The following TNK2 variants were observed in gnomAD, a reference collection of about 807,000 sequenced individuals.
The protein encoded by TNK2 is activated CDC42 kinase 1.
In TNK2, 83 loss-of-function variants were observed where a neutral mutation model predicts 101.8. The observed-to-expected ratio is 0.82, with a 90% CI of 0.68 to 0.98. The LOEUF (loss-of-function observed/expected upper bound fraction) is 0.98. Ranked by LOEUF, TNK2 falls within the 50% of genes least tolerant of loss-of-function variation. The pLI is 0.00. For missense variants in TNK2, 1,665 were observed against 1,483.2 expected (o/e 1.12, Z -2.01); for synonymous variants, 804 against 633.0 (o/e 1.27, Z -4.06).
At position 195,888,179 on chromosome 3, in the gene TNK2, A is replaced by G. The variant is rs1182205337; in HGVS notation, c.163+247T>C. ...AGGACATACACTCTACGTGAGAACA[A>G]TCACAACGGGGCATGGAGTGACTCC... On this transcript the variant is annotated intron_variant, in intron 2 of 15. Transcript: ENST00000672887. This position sits in a 1 kb window ranked among gnomAD's most constrained non-coding sequence, Gnocchi z 5.3. Among the ~76,000 whole-genome samples, 2 of 152,154 alleles carry G rather than the reference A, an allele frequency of 1.3e-5. No individual in the cohort carries two copies. Among genetic ancestry groups the G allele is most frequent in the Non-Finnish European group, 2.9e-5 (2 of 68,014 alleles).
intron 9 of TNK2, among the ~76,000 whole-genome samples, chr3:195,876,081 G>A (rs1749070720): frequency 6.6e-6 from 1 of 152,202 alleles, no homozygotes; most frequent in African/African-American, 2.4e-5. Context: ...AGGCTCCAGG[G>A]CCAGACCAGG....
Position 195,878,684 on chromosome 3 carries a change from G to A in TNK2, c.1015-92C>T. 2 of 1,512,146 alleles carry A rather than the reference G, an allele frequency of 1.3e-6. No homozygotes were observed. Among genetic ancestry groups the A allele is most frequent in the Non-Finnish European group, 8.9e-7 (1 of 1,127,006 alleles). 93.7% of individuals were successfully genotyped at this position (1,512,146 alleles called of 1,614,324 possible). ...CTCCAGCCCATCCACAGCTGCAGCG[G>A]CTGCTGCCATGCCTGGCCTCCAAAG... On this transcript the variant is annotated intron_variant, in intron 7 of 15. Coordinates refer to ENST00000672887, the MANE Select transcript of TNK2 (RefSeq NM_001382273.1). This position sits in a 1 kb window ranked among gnomAD's most constrained non-coding sequence, Gnocchi z 4.7.
In TNK2 at chr3:195,868,308, A is replaced by C. The variant is rs778891910; in HGVS notation, c.1990T>G (p.Ser664Ala). 4.4e-6 allele frequency: 7 copies of C among 1,602,958 alleles called. No homozygotes were observed. The African/African-American group carries it at 9.4e-5, about 21-fold the overall frequency. The change falls in exon 13 of 16, where the codon TCC (serine) becomes GCC (alanine). Residue 664 changes from serine to alanine, a missense_variant. By Grantham distance (99) the Ser-to-Ala change is moderately conservative. Transcript: ENST00000672887. ...AQDEDDFEIC[S>A]INSTLVGAGV... ...GCGCCCACGAGGGTGCTGTTGATGG[A>C]GCAGATCTCAAAGTCATCCTCATCC...
At position 195,886,865 on chromosome 3, in the gene TNK2, G is replaced by A. The variant is rs1577082274; in HGVS notation, c.234+112C>T. On this transcript the variant is annotated intron_variant, in intron 3 of 15. Transcript: ENST00000672887. This position sits in a 1 kb window ranked among gnomAD's most constrained non-coding sequence, Gnocchi z 4.2. ...GGGGGTCCTGTACAAAGTGCCGGCA[G>A]AACGGCGAGATTCGACCTGCCGGGG... 2 of 1,204,188 alleles carry A rather than the reference G, an allele frequency of 1.7e-6. No individual in the cohort carries two copies. Among genetic ancestry groups the A allele is most frequent in the East Asian group, 4.7e-5 (2 of 42,972 alleles). 74.6% of individuals were successfully genotyped at this position (1,204,188 alleles called of 1,614,324 possible). A position where few individuals can be genotyped will look rare whatever the true frequency, so the allele number is the denominator to read the frequency against.
chr3:195,892,368 G>C, intron 1 of TNK2: 14 of 1,496,690 alleles, frequency 9.4e-6, no homozygotes, highest in Non-Finnish European at 1.2e-5. Flanking sequence ...GTGCTGAGGA[G>C]CCCAACCAGT....
intron 6 of TNK2, among the ~76,000 whole-genome samples, chr3:195,879,911 T>C (rs936124296): frequency 6.1e-4 from 93 of 152,244 alleles, no homozygotes; most frequent in African/African-American, 2.2e-3. Context: ...ATTCATACCT[T>C]ACCATGCAAA....
intron 10 of TNK2, 130 bp from the exon 11 acceptor site, chr3:195,870,335 C>T: frequency 2.0e-6 from 3 of 1,527,234 alleles, no homozygotes; most frequent in Non-Finnish European, 2.6e-6. Flanking sequence ...CCTCCCGCCT[C>T]CCAGTCCACA....
chr3:195,889,868 C>A (rs186209346), intron 1 of TNK2, among the ~76,000 whole-genome samples: 2 of 152,160 alleles, frequency 1.3e-5, no homozygotes, highest in African/African-American at 2.4e-5. Context: ...GAGGAACAGG[C>A]GAGAGAAAAA....
Position 195,870,203 on chromosome 3 carries a change from A to C in TNK2, c.1454T>G (p.Leu485Arg). The C allele has an allele frequency of 6.3e-7, 1 of 1,582,650 alleles. No homozygotes were observed. Among genetic ancestry groups the C allele is most frequent in the Non-Finnish European group, 8.6e-7 (1 of 1,162,330 alleles). The change falls in exon 11 of 16, where the codon CTG (leucine) becomes CGG (arginine). Residue 485 changes from leucine to arginine, a missense_variant and splice_region_variant. Physicochemically the swap from Leu to Arg is moderately radical, Grantham distance 102. Transcript: ENST00000672887. The stretch of plus-strand genomic sequence containing the variant: ...GGGGTCCATGGGGTTTCCCAGATAC[A>C]GTCTGTGGGGGAGAGAGCTGGGTCA... Reference protein sequence around the residue: ...CWGFPDRIDELYLGNPMDPPD... With the variant: ...CWGFPDRIDERYLGNPMDPPD...
chr3:195,869,054 C>G, intron 12 of TNK2: 2 of 467,004 alleles, frequency 4.3e-6, no homozygotes, highest in Non-Finnish European at 7.6e-6. Context: ...TTAGTGAGCC[C>G]TCATCCCCGC....
At chr3:195,891,849 C>T in intron 1 of TNK2, 8 of 935,772 alleles carry the variant, frequency 8.5e-6, no homozygotes, top group South Asian at 4.9e-5. Context: ...GGCCCCTCCC[C>T]TGAAGCTCTT....
chr3:195,900,675 T>G (rs1042374029), intron 1 of TNK2, among the ~76,000 whole-genome samples: 1 of 152,172 alleles, frequency 6.6e-6, no homozygotes, highest in African/African-American at 2.4e-5. Flanking sequence ...CTCACTCCCA[T>G]GCACGCCACA....
At chr3:195,890,756 C>T (rs1311488659) in intron 1 of TNK2, among the ~76,000 whole-genome samples, 1 of 152,148 alleles carries the variant, frequency 6.6e-6, no homozygotes, top group African/African-American at 2.4e-5. Context: ...ATAAATTTTC[C>T]TGGAATGAAA....
chr3:195,873,299 G>C (rs1179832944), intron 9 of TNK2, among the ~76,000 whole-genome samples: 2 of 152,222 alleles, frequency 1.3e-5, no homozygotes, highest in African/African-American at 4.8e-5. Context: ...GGGGCAGGCA[G>C]GCCAGGAAGC....
Position 195,868,265 on chromosome 3 carries a change from G to A in TNK2, c.2033C>T (p.Pro678Leu), listed in dbSNP as rs376888900. The change falls in exon 13 of 16, where the codon CCC becomes CTC. Residue 678 changes from proline (P) to leucine (L), a missense_variant. This residue lies in a region of TNK2 where 1,136 missense variants were observed against 894.9 expected (regional missense o/e 1.27). Transcript: ENST00000672887. Reference protein sequence around the residue: ...TLVGAGVPAGPSQGQTNYAFV... With the variant: ...TLVGAGVPAGLSQGQTNYAFV... ...GGCGTAGTTGGTCTGGCCCTGGCTG[G>A]GCCCGGCAGGGACCCCCGCGCCCAC... 6.2e-7 allele frequency: 1 copy of A among 1,604,510 alleles called. No individual in the cohort carries two copies. Among genetic ancestry groups the A allele is most frequent in the African/African-American group, 1.3e-5 (1 of 74,956 alleles).
intron 15 of TNK2, among the ~76,000 whole-genome samples, chr3:195,865,149 C>A (rs1739808538): frequency 7.9e-6 from 1 of 125,942 alleles, no homozygotes; most frequent in Non-Finnish European, 1.7e-5. Context: ...GTGCCTGCGT[C>A]CCAGATGCAA....
chr3:195,879,509 T>C (rs562514481), intron 6 of TNK2: 152 of 203,254 alleles, frequency 7.5e-4, no homozygotes, highest in Middle Eastern at 1.9e-3. Flanking sequence ...TTTCTGACTG[T>C]GGTGGGAGAA....
Position 195,878,204 on chromosome 3 carries a change from T to TGTG in TNK2, c.1256+46_1256+48dup, listed in dbSNP as rs760361573. 1 of 1,589,330 alleles carries TGTG rather than the reference T, an allele frequency of 6.3e-7. No individual in the cohort carries two copies. Among genetic ancestry groups the TGTG allele is most frequent in the Admixed American group, 1.7e-5 (1 of 59,990 alleles). On this transcript the variant is annotated intron_variant, in intron 9 of 15. Transcript: ENST00000672887. This position sits in a 1 kb window ranked among gnomAD's most constrained non-coding sequence, Gnocchi z 4.7. ...GATCTGTCCACAGGTCCCTCCGACC[T>TGTG]GTGCCCTTCAAGCGATCCCAGGGCG...
chr3:195,907,484 G>T (rs1761857245), intron 1 of TNK2, among the ~76,000 whole-genome samples: 1 of 152,222 alleles, frequency 6.6e-6, no homozygotes, highest in African/African-American at 2.4e-5. Flanking sequence ...AAGGCCCTGG[G>T]CAAGCAGCAA....
Sources: allele counts gnomAD v4.1 joint callset (sites outside exome capture counted in the v4.1 genomes callset), GRCh38; gene constraint gnomAD v4.1.1; regional missense constraint gnomAD v4.1.1; non-coding constraint Gnocchi (gnomAD v3.1); transcripts MANE v1.5; gene names NCBI Gene and HGNC (gene_info 2026-07-23, HGNC 2026-07-21).